The following ABCA10 variants were observed in gnomAD, a reference collection of about 807,000 sequenced individuals.
The protein encoded by ABCA10 is ATP-binding cassette sub-family A member 10.
ABCA10 carries 169 observed loss-of-function variants against 187.5 expected under a neutral mutation model. The ratio of observed to expected loss-of-function variants is 0.90; its 90% CI spans 0.80 to 1.02. ABCA10 has a LOEUF of 1.02. Among genes scored for constraint, ABCA10 ranks in the 50% least tolerant of loss-of-function variants. ABCA10 has a pLI of 0.00. For synonymous variants in ABCA10, 574 were observed against 601.8 expected, an observed-to-expected ratio of 0.95 and a Z score of 0.68; for missense variants, 1,727 against 1,812.4, an observed-to-expected ratio of 0.95 and a Z score of 0.86.
intron 9 of ABCA10, among the ~76,000 whole-genome samples, chr17:69,203,099 T>C (rs2074560268): frequency 6.6e-6 from 1 of 152,180 alleles, no homozygotes. Context: ...TAGAAAAATA[T>C]ATGGGAAAGA....
chr17:69,203,854 A>G (rs2074568442), intron 9 of ABCA10, among the ~76,000 whole-genome samples: 1 of 152,234 alleles, frequency 6.6e-6, no homozygotes, highest in Admixed American at 6.5e-5. Flanking sequence ...AAATAAAATG[A>G]TATTTTTACT....
chr17:69,192,739 A>T (rs1279468893), intron 15 of ABCA10, 86 bp from the exon 16 acceptor site: 1 of 1,159,076 alleles, frequency 8.6e-7, no homozygotes, highest in Non-Finnish European at 1.3e-6. Flanking sequence ...AAAACACTGA[A>T]TGAAATTTGT....
chr17:69,152,405 C>T lies in ABCA10; in HGVS notation c.4213G>A (p.Ala1405Thr), dbSNP rs2074136456. 6.2e-7 allele frequency: 1 copy of T among 1,613,928 alleles called. No individual in the cohort carries two copies. The highest frequency in any genetic ancestry group is 1.3e-5 in the African/African-American group (1 of 74,916). The change falls in exon 35 of 39, where the codon GCT (alanine) becomes ACT (threonine). Residue 1405 changes from alanine (A) to threonine (T), a missense_variant. Coordinates refer to ENST00000690296, the MANE Select transcript of ABCA10 (RefSeq NM_001377321.1). ...LTTHYMSEAE[A>T]VCDRMAMMVS... ...ATCATGGCCATACGGTCACACACAG[C>T]CTCAGCCTCTGACATGTAATGGGTG...
chr17:69,165,992 T>C (rs975456732), intron 25 of ABCA10, among the ~76,000 whole-genome samples: 1 of 152,168 alleles, frequency 6.6e-6, no homozygotes, highest in Admixed American at 6.6e-5. Flanking sequence ...ATGTTGCCAT[T>C]AGCAATCAAG....
intron 5 of ABCA10, among the ~76,000 whole-genome samples, chr17:69,221,279 G>A (rs906799547): frequency 1.3e-5 from 2 of 152,142 alleles, no homozygotes; most frequent in African/African-American, 4.8e-5. Flanking sequence ...CCCTTTTGAT[G>A]GTGTGGTAGG....
intron 21 of ABCA10, 144 bp downstream of exon 21, chr17:69,182,531 A>G: frequency 9.3e-7 from 1 of 1,073,190 alleles, no homozygotes; most frequent in Non-Finnish European, 1.2e-6. Context: ...TTTATATTTT[A>G]TGTGACAAAG....
intron 9 of ABCA10, among the ~76,000 whole-genome samples, chr17:69,214,356 A>T (rs1245919193): frequency 6.6e-6 from 1 of 151,840 alleles, no homozygotes; most frequent in Non-Finnish European, 1.5e-5. Flanking sequence ...TCTACTAAAA[A>T]TACAAAAAAT....
intron 24 of ABCA10, 58 bp from the exon 25 acceptor site, chr17:69,174,452 G>A: frequency 4.1e-6 from 6 of 1,480,566 alleles, no homozygotes; most frequent in Non-Finnish European, 5.5e-6. Flanking sequence ...GAGGGAAAGA[G>A]GAGGGGAGAT....
chr17:69,164,277 G>A, intron 26 of ABCA10, 123 bp from the exon 27 acceptor site: 1 of 745,720 alleles, frequency 1.3e-6, no homozygotes, highest in Non-Finnish European at 2.0e-6. Flanking sequence ...CATGAATTGA[G>A]ATGAGAAGAG....
rs766132609 is a variant in ABCA10 at position 69,174,360 on chromosome 17, A to G, written c.3083T>C (p.Ile1028Thr). 6.9e-6 allele frequency: 11 copies of G among 1,602,456 alleles called. No individual in the cohort carries two copies. In the Admixed American group the frequency reaches 1.2e-4, roughly 18 times the overall value. ...VCIIGCAVSL[I>T]FLTYVLSFIF... is the part of the protein sequence containing the mutation. ...GAATGAAAGCACATATGTGAGGAAT[A>G]TAAGAGAAACTGCACAACCAATTAT... is the stretch of plus-strand genomic sequence containing the variant. Residue 1028 changes from isoleucine (I) to threonine (T), a missense_variant, in exon 25 of 39, where the codon ATA becomes ACA. Coordinates refer to ENST00000690296, the MANE Select transcript of ABCA10 (RefSeq NM_001377321.1).
At chr17:69,176,680 A>G (rs1470179606) in intron 22 of ABCA10, among the ~76,000 whole-genome samples, 1 of 152,116 alleles carries the variant, frequency 6.6e-6, no homozygotes, top group African/African-American at 2.4e-5. Flanking sequence ...TTAATATTAA[A>G]TGGGCCAATG....
chr17:69,201,184 T>G (rs2074540829), intron 10 of ABCA10, among the ~76,000 whole-genome samples: 1 of 152,206 alleles, frequency 6.6e-6, no homozygotes, highest in Non-Finnish European at 1.5e-5. Context: ...TATACTTATA[T>G]ACTGCATATG....
intron 20 of ABCA10, among the ~76,000 whole-genome samples, chr17:69,185,169 G>T (rs1485247151): frequency 2.6e-5 from 4 of 151,930 alleles, no homozygotes; most frequent in African/African-American, 9.7e-5. Flanking sequence ...CGGGGTTGAG[G>T]GATAAAAGAC....
intron 20 of ABCA10, among the ~76,000 whole-genome samples, chr17:69,183,120 G>A (rs140255600): frequency 5.7e-4 from 87 of 152,222 alleles, no homozygotes; most frequent in African/African-American, 2.1e-3. Flanking sequence ...TTTGCTAGGA[G>A]TGACTTTTAT....
At position 69,197,088 on chromosome 17, in the gene ABCA10, T is replaced by G. The variant is rs766456533; in HGVS notation, c.1210A>C (p.Thr404Pro). 2.3e-5 allele frequency: 37 copies of G among 1,596,586 alleles called. No individual in the cohort carries two copies. Among genetic ancestry groups the G allele is most frequent in the Non-Finnish European group, 2.3e-5 (27 of 1,168,156 alleles). ...CCTTGCAATGCTTCTACTTTTCCAG[T>G]CTTTCCATTATATTCTTTTATAACA... ...RNVIKEYNGK[T>P]GKVEALQGIF... The change falls in exon 11 of 39, where the codon ACT (threonine) becomes CCT (proline). Residue 404 changes from threonine to proline, a missense_variant. By Grantham distance (38) the Thr-to-Pro change is conservative (BLOSUM62 -1). Transcript: ENST00000690296.
chr17:69,184,722 G>T (rs1325944149), intron 20 of ABCA10, among the ~76,000 whole-genome samples: 4 of 151,984 alleles, frequency 2.6e-5, no homozygotes, highest in African/African-American at 9.7e-5. Context: ...CAGAGGAAAA[G>T]AAGTCATATG....
chr17:69,227,423 T>G (rs1209511481), intron 1 of ABCA10, 138 bp from the exon 2 acceptor site: 1 of 151,998 alleles, frequency 6.6e-6, no homozygotes, highest in African/African-American at 2.4e-5. Flanking sequence ...TAAAAAAGAA[T>G]ATAAAGTATT....
At chr17:69,197,238 G>GT (rs1053655457) in intron 10 of ABCA10, 116 bp from the exon 11 acceptor site, 58 of 759,028 alleles carry the variant, frequency 7.6e-5, no homozygotes, top group Non-Finnish European at 1.1e-4. Flanking sequence ...TCAGTGGGAT[G>GT]TAAGGAGGGC....
At position 69,155,980 on chromosome 17, in the gene ABCA10, G is replaced by A. The variant is rs1471652700; in HGVS notation, c.3456-55C>T. 4.5e-6 allele frequency: 7 copies of A among 1,551,164 alleles called. No homozygotes were observed. In the Admixed American group the frequency reaches 1.3e-4, roughly 29 times the overall value. ...GCAATTTTGGCTGTACAACTGTTAA[G>A]AAAATGTAAACCCCTATAATTAAAT... On this transcript the variant is annotated intron_variant, in intron 28 of 38. Coordinates refer to ENST00000690296, the MANE Select transcript of ABCA10 (RefSeq NM_001377321.1).
Sources: allele counts gnomAD v4.1 joint callset (sites outside exome capture counted in the v4.1 genomes callset), GRCh38; gene constraint gnomAD v4.1.1; transcripts MANE v1.5; gene names NCBI Gene and HGNC (gene_info 2026-07-23, HGNC 2026-07-21).